GUCY1B1: variants seen among roughly 807,000 people sequenced by gnomAD.
The protein encoded by GUCY1B1 is guanylate cyclase soluble subunit beta-1.
GUCY1B1 carries 43 observed loss-of-function variants against 71.0 expected under a neutral mutation model. The observed-to-expected ratio is 0.61, with a 90% CI of 0.47 to 0.78. The LOEUF (loss-of-function observed/expected upper bound fraction) is 0.78. Ranked by LOEUF, GUCY1B1 falls within the 30% of genes least tolerant of loss-of-function variation. The probability of loss-of-function intolerance (pLI) is 0.00; values close to 1 mark genes in which losing one functional copy is unlikely to be tolerated. For synonymous variants in GUCY1B1, 266 were observed against 259.7 expected, an observed-to-expected ratio of 1.02 and a Z score of -0.23; for missense variants, 535 against 754.1, an observed-to-expected ratio of 0.71 and a Z score of 3.40.
chr4:155,801,971 T>C (rs1162431244), intron 9 of GUCY1B1, among the ~76,000 whole-genome samples: 1 of 152,202 alleles, frequency 6.6e-6, no homozygotes. Context: ...TTTTAGGTGC[T>C]GGTAATGACA....
chr4:155,775,861 T>C (rs1738009478), intron 3 of GUCY1B1, among the ~76,000 whole-genome samples: 2 of 152,256 alleles, frequency 1.3e-5, no homozygotes, highest in Non-Finnish European at 2.9e-5. Flanking sequence ...CTCAAAGTAG[T>C]ATCTATTATT....
chr4:155,771,130 A>T (rs997990433), intron 2 of GUCY1B1, among the ~76,000 whole-genome samples: 1 of 152,220 alleles, frequency 6.6e-6, no homozygotes, highest in South Asian at 2.1e-4. Context: ...GTAGCCCCAC[A>T]TTCCCAAAGA....
At chr4:155,798,663 T>A (rs1458955679) in intron 8 of GUCY1B1, among the ~76,000 whole-genome samples, 1 of 152,208 alleles carries the variant, frequency 6.6e-6, no homozygotes, top group Admixed American at 6.5e-5. Flanking sequence ...GAATTTTGGA[T>A]AGGATTAATT....
At chr4:155,759,985 G>T (rs1253632582) in intron 2 of GUCY1B1, 125 bp downstream of exon 2, 2 of 639,436 alleles carry the variant, frequency 3.1e-6, no homozygotes, top group Admixed American at 2.9e-5. Flanking sequence ...GTGCCTCCGC[G>T]CCTCGCTCCC....
At chr4:155,772,600 A>G (rs927124786) in intron 2 of GUCY1B1, 3 of 632,376 alleles carry the variant, frequency 4.7e-6, no homozygotes, top group East Asian at 2.8e-5. Context: ...TTTTATTTCT[A>G]GGAGAGAAGA....
chr4:155,791,779 CAA>C (rs10669957), intron 5 of GUCY1B1, among the ~76,000 whole-genome samples: 9 of 144,454 alleles, frequency 6.2e-5, no homozygotes, highest in Non-Finnish European at 1.4e-4. Flanking sequence ...AAACGAAAAA[CAA>C]AAAAAAACAC....
chr4:155,775,202 G>T, intron 3 of GUCY1B1, 134 bp downstream of exon 3: 2 of 650,304 alleles, frequency 3.1e-6, no homozygotes, highest in Non-Finnish European at 5.5e-6. Flanking sequence ...TGTGTGGTGG[G>T]CATCCACATA....
chr4:155,804,186 C>G (rs1409087441), intron 11 of GUCY1B1, among the ~76,000 whole-genome samples: 2 of 152,118 alleles, frequency 1.3e-5, no homozygotes, highest in Non-Finnish European at 2.9e-5. Context: ...TTCTTATAGA[C>G]ATCTCTTACG....
intron 2 of GUCY1B1, among the ~76,000 whole-genome samples, chr4:155,773,331 G>A (rs779754409): frequency 3.3e-5 from 5 of 152,104 alleles, no homozygotes; most frequent in Non-Finnish European, 7.4e-5. Context: ...TTAAACAATG[G>A]ATTTCACCTC....
rs2229202 is a variant in GUCY1B1, at chr4:155,800,046, C to T, written c.1147C>T (p.Leu383=). The T allele has an allele frequency of 0.15, 246,348 of 1,610,864 alleles. 19,443 individuals carry two copies. The highest frequency in any genetic ancestry group is 0.19 in the African/African-American group (14,141 of 74,756). The change falls in exon 9 of 14, where the codon CTG becomes TTG. Residue 383 remains leucine (L), a synonymous_variant. Coordinates refer to ENST00000264424, the MANE Select transcript of GUCY1B1 (RefSeq NM_000857.5). ...CAGGCTACAGCTCACGTTAAGAGCC[C>T]TGGAAGATGAAAAGAAAAAGACAGA... ...TDRLQLTLRA[L]EDEKKKTDTL...
chr4:155,793,371 C>G (rs1739315730), intron 5 of GUCY1B1, among the ~76,000 whole-genome samples: 1 of 152,204 alleles, frequency 6.6e-6, no homozygotes, highest in South Asian at 2.1e-4. Flanking sequence ...GCCACTGCAC[C>G]TGGCCTGGTA....
intron 11 of GUCY1B1, 105 bp downstream of exon 11, chr4:155,803,869 C>A: frequency 1.5e-6 from 1 of 672,656 alleles, no homozygotes; most frequent in Non-Finnish European, 2.3e-6. Flanking sequence ...AGAAGGGCAT[C>A]TTGACAACAA....
chr4:155,765,274 A>G (rs1179406259), intron 2 of GUCY1B1, among the ~76,000 whole-genome samples: 1 of 152,174 alleles, frequency 6.6e-6, no homozygotes, highest in Non-Finnish European at 1.5e-5. Context: ...TTGGAAAACT[A>G]TAGTTATGGG....
At chr4:155,768,542 TACCTTTATTAAGCACATGTGC>T (rs1351589253) in intron 2 of GUCY1B1, among the ~76,000 whole-genome samples, 3 of 151,274 alleles carry the variant, frequency 2.0e-5, no homozygotes, top group Non-Finnish European at 2.9e-5. Context: ...TAAACATGTA[TACCTTTATTAAGCACATGTGC>T]ACCTTTATTA....
intron 4 of GUCY1B1, among the ~76,000 whole-genome samples, chr4:155,784,227 T>C (rs1040158626): frequency 3.9e-5 from 6 of 152,152 alleles, no homozygotes; most frequent in Admixed American, 3.9e-4. Flanking sequence ...ATTTTCAATG[T>C]TTCTTTTAGA....
rs1740041556 is a variant in GUCY1B1, at chr4:155,802,664, C to T, written c.1413+85C>T. Reference sequence around the variant, plus strand: ...CTCCAGAGGCCATGTCATCACAGCTCTCTGACTCCAGCACTGCAGCCTTGA... The same window carrying T: ...CTCCAGAGGCCATGTCATCACAGCTTTCTGACTCCAGCACTGCAGCCTTGA... On this transcript the variant is annotated intron_variant, in intron 10 of 13. Transcript: ENST00000264424. The surrounding 1 kb of genome is among the most constrained non-coding windows in gnomAD (Gnocchi z 4.3). 6.6e-6 allele frequency: 8 copies of T among 1,205,924 alleles called. No homozygotes were observed. The Admixed American group carries it at 2.1e-4, about 32-fold the overall frequency. 74.7% of individuals were successfully genotyped at this position (1,205,924 alleles called of 1,614,324 possible).
chr4:155,795,371 G>C lies in GUCY1B1; in HGVS notation c.757G>C (p.Val253Leu). ...LQPGNCSLLSVFSLVRPHIDI... is the reference protein window; with the variant it reads ...LQPGNCSLLSLFSLVRPHIDI... ...GCCTGGGAATTGCAGCCTTCTGTCTGTCTTCTCGCTGGTTCGTCCTCATAT... is the reference window on the plus strand; with the variant it reads ...GCCTGGGAATTGCAGCCTTCTGTCTCTCTTCTCGCTGGTTCGTCCTCATAT... The change falls in exon 7 of 14, where the codon GTC becomes CTC. Residue 253 changes from valine to leucine, a missense_variant. By Grantham distance (32) the Val-to-Leu change is conservative (BLOSUM62 1). Coordinates refer to ENST00000264424, the MANE Select transcript of GUCY1B1 (RefSeq NM_000857.5). 1 of 1,609,206 alleles carries C rather than the reference G, an allele frequency of 6.2e-7. No homozygotes were observed. The highest frequency in any genetic ancestry group is 8.5e-7 in the Non-Finnish European group (1 of 1,176,058).
At chr4:155,804,127 A>T (rs1175518224) in intron 11 of GUCY1B1, among the ~76,000 whole-genome samples, 1 of 152,142 alleles carries the variant, frequency 6.6e-6, no homozygotes, top group Non-Finnish European at 1.5e-5. Flanking sequence ...CCCTGGGGAG[A>T]TAGAGATTTC....
chr4:155,806,562 A>G lies in GUCY1B1; in HGVS notation c.*153A>G. The G allele has an allele frequency of 1.8e-6, 1 of 563,446 alleles. No homozygotes were observed. Among genetic ancestry groups the G allele is most frequent in the Non-Finnish European group, 3.2e-6 (1 of 311,146 alleles). The allele number at this position is 563,446 out of a possible 1,614,324, so 34.9% of individuals were successfully genotyped here. On this transcript the variant is annotated 3_prime_UTR_variant, in exon 14 of 14. Coordinates refer to ENST00000264424, the MANE Select transcript of GUCY1B1 (RefSeq NM_000857.5). The stretch of plus-strand genomic sequence containing the variant: ...CTTTCTTCTAGATATATCTCTCACT[A>G]TCCGTTATTCAACCTTAGCTCTGCT...
Sources: gnomAD v4.1 joint callset for allele counts (sites outside exome capture counted in the v4.1 genomes callset) on GRCh38, gnomAD v4.1.1 for gene constraint, Gnocchi (gnomAD v3.1) non-coding constraint, MANE v1.5 for transcripts, NCBI Gene and HGNC (gene_info 2026-07-23, HGNC 2026-07-21) for gene names.